The following EYS variants were observed in gnomAD, a reference collection of about 807,000 sequenced individuals.
EYS encodes the protein EGF-like photoreceptor maintenance factor.
Under a neutral mutation model 282.1 loss-of-function variants are expected in EYS, and 250 were observed. The ratio of observed to expected loss-of-function variants is 0.89; its 90% CI spans 0.80 to 0.98. The LOEUF (loss-of-function observed/expected upper bound fraction) is 0.98. Among genes scored for constraint, EYS ranks in the 50% least tolerant of loss-of-function variants. The pLI is 0.00. For synonymous variants in EYS, 1,355 were observed against 1,282.9 expected, an observed-to-expected ratio of 1.06 and a Z score of -1.20; for missense variants, 4,016 against 3,709.0, an observed-to-expected ratio of 1.08 and a Z score of -2.15.
intron 22 of EYS, among the ~76,000 whole-genome samples, chr6:64,775,291 T>C (rs1224174665): frequency 6.6e-6 from 1 of 151,976 alleles, no homozygotes. Flanking sequence ...AGCCATTAGG[T>C]AACTTCTTGT....
Position 64,945,869 on chromosome 6 carries a change from C to T in EYS, c.2305G>A (p.Glu769Lys), listed in dbSNP as rs1441459124. ...CLSDWEGNFC[E>K]QESNECKMNP... ...ATTTTACACTCATTGGATTCTTGTT[C>T]ACAAAAATTTCCTTCCCAATCAGAT... The change falls in exon 15 of 43, where the codon GAA becomes AAA. Residue 769 changes from glutamate to lysine, a missense_variant. Glu to Lys is a moderately conservative substitution (Grantham distance 56). Transcript: ENST00000503581. 3.9e-6 allele frequency: 6 copies of T among 1,548,852 alleles called. No individual in the cohort carries two copies. The Admixed American group carries it at 7.9e-5, about 20-fold the overall frequency.
At chr6:65,051,914 C>A (rs189568644) in intron 13 of EYS, among the ~76,000 whole-genome samples, 74 of 151,574 alleles carry the variant, frequency 4.9e-4, no homozygotes, top group Admixed American at 2.4e-3. Flanking sequence ...GTATTGTGGT[C>A]TTTTCTACCC....
intron 2 of EYS, among the ~76,000 whole-genome samples, chr6:65,537,298 T>C (rs1328965000): frequency 1.3e-5 from 2 of 152,172 alleles, no homozygotes; most frequent in Non-Finnish European, 2.9e-5. Flanking sequence ...TATACCTATG[T>C]AACAAACCTC....
At position 65,122,468 on chromosome 6, in the gene EYS, T is replaced by A. The variant is rs115595414; in HGVS notation, c.2024-64741A>T. On this transcript the variant is annotated intron_variant, in intron 12 of 42. Coordinates refer to ENST00000503581, the MANE Select transcript of EYS (RefSeq NM_001142800.2). ...GCGTGTCAATGAGAAAATTTGATAG[T>A]CTTGAAACGTAACATATTAATTTGC... 3.5e-3 allele frequency among the ~76,000 whole-genome samples: 527 copies of A among 152,190 alleles called. 5 individuals carry two copies. The highest frequency in any genetic ancestry group is 7.1e-3 in the Admixed American group (108 of 15,292).
intron 7 of EYS, among the ~76,000 whole-genome samples, chr6:65,397,168 A>AT (rs902152710): frequency 3.3e-5 from 5 of 151,116 alleles, no homozygotes; most frequent in African/African-American, 1.2e-4. Context: ...TTGTATTTTT[A>AT]TTTTTTCTAA....
At chr6:63,966,750 T>C (rs1475343146) in intron 35 of EYS, among the ~76,000 whole-genome samples, 1 of 152,190 alleles carries the variant, frequency 6.6e-6, no homozygotes, top group Non-Finnish European at 1.5e-5. Flanking sequence ...ATAGCATTGT[T>C]ACAAGGATTA....
intron 38 of EYS, among the ~76,000 whole-genome samples, chr6:63,788,615 C>T (rs551155074): frequency 6.6e-6 from 1 of 152,064 alleles, no homozygotes; most frequent in African/African-American, 2.4e-5. Flanking sequence ...TCCTAAGTAG[C>T]TCTTCATAGT....
At chr6:64,695,473 C>T (rs1760297446) in intron 22 of EYS, among the ~76,000 whole-genome samples, 2 of 152,086 alleles carry the variant, frequency 1.3e-5, no homozygotes, top group South Asian at 2.1e-4. Context: ...TTACAACTGG[C>T]ATTTGAGGAA....
intron 12 of EYS, among the ~76,000 whole-genome samples, chr6:65,153,412 T>A (rs995267745): frequency 1.5e-5 from 2 of 137,836 alleles, no homozygotes; most frequent in African/African-American, 2.7e-5. Context: ...TGTGTGTGTG[T>A]GTTAACCACT....
chr6:64,533,789 A>G (rs1161428270), intron 26 of EYS, among the ~76,000 whole-genome samples: 1 of 151,966 alleles, frequency 6.6e-6, no homozygotes, highest in African/African-American at 2.4e-5. Context: ...AACATAAAGG[A>G]CATTTTTCAT....
chr6:65,618,214 G>GTTGT (rs1331202626), intron 2 of EYS, among the ~76,000 whole-genome samples: 1 of 152,210 alleles, frequency 6.6e-6, no homozygotes, highest in Admixed American at 6.5e-5. Context: ...TCCAGCACCT[G>GTTGT]TTGTTTCCTG....
chr6:64,410,827 G>T (rs1168651287), intron 28 of EYS, among the ~76,000 whole-genome samples: 1 of 152,064 alleles, frequency 6.6e-6, no homozygotes, highest in African/African-American at 2.4e-5. Context: ...CACCTACTAT[G>T]ATGATAAACT....
rs1046195298 is a variant in EYS at position 63,897,109 on chromosome 6, C to A, written c.7056-32751G>T. Among the ~76,000 whole-genome samples the A allele has an allele frequency of 1.2e-3, 179 of 152,312 alleles. 2 individuals are homozygous for A. The highest frequency in any genetic ancestry group is 4.2e-3 in the African/African-American group (174 of 41,572). ...CTCTCCTTTCCTCCTCATCTGTATT[C>A]CACTCACCACAGATGATCTGTTAAG... On this transcript the variant is annotated intron_variant, in intron 35 of 42. Transcript: ENST00000503581.
intron 2 of EYS, among the ~76,000 whole-genome samples, chr6:65,615,633 A>G (rs951177986): frequency 6.6e-6 from 1 of 152,060 alleles, no homozygotes; most frequent in African/African-American, 2.4e-5. Flanking sequence ...AGATATGGTT[A>G]CTTAGCAAAA....
chr6:65,340,083 A>G (rs1269418354), intron 10 of EYS, among the ~76,000 whole-genome samples: 2 of 151,158 alleles, frequency 1.3e-5, no homozygotes, highest in Admixed American at 6.6e-5. Context: ...TGGATGAATT[A>G]AAGTTCAAAT....
At position 65,494,802 on chromosome 6, in the gene EYS, CT is replaced by C. The variant is rs756165084; in HGVS notation, c.608del (p.Gln203ArgfsTer54). The C allele has an allele frequency of 6.2e-7, 1 of 1,614,056 alleles. No homozygotes were observed. The highest frequency in any genetic ancestry group is 2.2e-5 in the East Asian group (1 of 44,844). On this transcript the variant is annotated frameshift_variant, in exon 4 of 43. Transcript: ENST00000503581. LOFTEE classifies it high-confidence loss of function. ...AWSKTYSCHC[Q>X]PPFSGKYCQE... ...GGCAGTATTTTCCAGAAAATGGAGG[CT>C]GGCAATGGCAGCTATATGTCTTGCT...
intron 12 of EYS, among the ~76,000 whole-genome samples, chr6:65,061,906 T>C (rs1773585372): frequency 6.6e-6 from 1 of 151,984 alleles, no homozygotes; most frequent in Non-Finnish European, 1.5e-5. Flanking sequence ...TTCTTTACTC[T>C]GGGTTTTCTG....
intron 5 of EYS, among the ~76,000 whole-genome samples, chr6:65,428,617 T>C (rs1430476483): frequency 6.6e-6 from 1 of 152,076 alleles, no homozygotes; most frequent in Non-Finnish European, 1.5e-5. Flanking sequence ...ACAGACAAGA[T>C]AATGGACTGA....
At chr6:65,119,971 C>A (rs539006481) in intron 12 of EYS, among the ~76,000 whole-genome samples, 4 of 151,480 alleles carry the variant, frequency 2.6e-5, no homozygotes, top group South Asian at 2.1e-4. Context: ...CCTACCCCCC[C>A]TCCCCGTCTC....
Sources: gnomAD v4.1 joint callset for allele counts (sites outside exome capture counted in the v4.1 genomes callset) on GRCh38, gnomAD v4.1.1 for gene constraint, MANE v1.5 for transcripts, NCBI Gene and HGNC (gene_info 2026-07-23, HGNC 2026-07-21) for gene names.